Variants in C1QTNF7 observed in about 807,000 individuals in gnomAD.
C1QTNF7 encodes complement C1q tumor necrosis factor-related protein 7.
Under a neutral mutation model 19.6 loss-of-function variants are expected in C1QTNF7, and 15 were observed. That is an observed-to-expected ratio of 0.76 (90% CI 0.51 to 1.18). The LOEUF (loss-of-function observed/expected upper bound fraction) is 1.18, where lower values mean the gene tolerates loss of function less well. Ranked by LOEUF, C1QTNF7 falls within the 50% of genes most tolerant of loss-of-function variation. The probability of loss-of-function intolerance (pLI) is 0.00; values close to 1 mark genes in which losing one functional copy is unlikely to be tolerated. For missense variants in C1QTNF7, 324 were observed against 359.7 expected (o/e 0.90, Z 0.80); for synonymous variants, 142 against 137.5 (o/e 1.03, Z -0.23).
chr4:15,363,383 G>C (rs1717408674), intron 1 of C1QTNF7, among the ~76,000 whole-genome samples: 1 of 151,900 alleles, frequency 6.6e-6, no homozygotes, highest in South Asian at 2.1e-4. Flanking sequence ...CTACCTTTCT[G>C]TTCCTCCATC....
intron 1 of C1QTNF7, among the ~76,000 whole-genome samples, chr4:15,428,886 G>C (rs1432032375): frequency 1.3e-5 from 2 of 152,134 alleles, no homozygotes; most frequent in Non-Finnish European, 2.9e-5. Context: ...ATGATTTCCA[G>C]GCAAAGCACA....
chr4:15,396,527 C>T (rs1023258531), intron 1 of C1QTNF7, among the ~76,000 whole-genome samples: 1 of 152,070 alleles, frequency 6.6e-6, no homozygotes, highest in African/African-American at 2.4e-5. Context: ...CACCAAGCAG[C>T]ATATCATATT....
intron 1 of C1QTNF7, among the ~76,000 whole-genome samples, chr4:15,371,002 T>C (rs1210544881): frequency 2.0e-5 from 3 of 152,220 alleles, no homozygotes; most frequent in Admixed American, 1.3e-4. Context: ...TGTGGTTCCT[T>C]CAACTGAAAA....
In C1QTNF7 at chr4:15,428,050, G is replaced by T. The variant is rs931107186; in HGVS notation, c.-65G>T. 1.0e-5 allele frequency: 10 copies of T among 985,308 alleles called. No individual in the cohort carries two copies. The highest frequency in any genetic ancestry group is 9.6e-6 in the Non-Finnish European group (8 of 829,924). 61.0% of individuals were successfully genotyped at this position (985,308 alleles called of 1,614,324 possible). On this transcript the variant is annotated 5_prime_UTR_variant, in exon 1 of 3. Coordinates refer to ENST00000444304, the MANE Select transcript of C1QTNF7 (RefSeq NM_031911.5). ...AGTTTTTCACTGAGCTCTCATGAAAGATCCTCAGTCTCTTGTGGATTTAGA... is the reference window on the plus strand; with the variant it reads ...AGTTTTTCACTGAGCTCTCATGAAATATCCTCAGTCTCTTGTGGATTTAGA...
At chr4:15,397,645 A>G (rs1718835030) in intron 1 of C1QTNF7, among the ~76,000 whole-genome samples, 1 of 152,212 alleles carries the variant, frequency 6.6e-6, no homozygotes, top group African/African-American at 2.4e-5. Context: ...TTAAAGTCTC[A>G]AAGACAAGAA....
intron 1 of C1QTNF7, among the ~76,000 whole-genome samples, chr4:15,400,558 A>G (rs1718947704): frequency 6.6e-6 from 1 of 152,236 alleles, no homozygotes; most frequent in African/African-American, 2.4e-5. Context: ...CCAACATTCA[A>G]GGAGACCATT....
Position 15,435,917 on chromosome 4 carries a change from C to T in C1QTNF7, c.174C>T (p.Ile58=), listed in dbSNP as rs778852963. ...ANGSPGPHGR[I]GLPGRDGRDG... ...GTTCCCCTGGGCCCCATGGTCGCATCGGCCTTCCAGGAAGAGATGGTAGAG... is the reference window on the plus strand; with the variant it reads ...GTTCCCCTGGGCCCCATGGTCGCATTGGCCTTCCAGGAAGAGATGGTAGAG... The change falls in exon 2 of 3, where the codon ATC becomes ATT. Residue 58 remains isoleucine, a synonymous_variant. Coordinates refer to ENST00000444304, the MANE Select transcript of C1QTNF7 (RefSeq NM_031911.5). The T allele has an allele frequency of 3.7e-6, 6 of 1,613,938 alleles. No individual in the cohort carries two copies. The highest frequency in any genetic ancestry group is 4.5e-5 in the East Asian group (2 of 44,862).
intron 1 of C1QTNF7, among the ~76,000 whole-genome samples, chr4:15,397,921 T>G (rs887786453): frequency 2.6e-5 from 4 of 152,168 alleles, no homozygotes; most frequent in African/African-American, 9.7e-5. Flanking sequence ...CCAACTGATT[T>G]TGAACCTGCA....
chr4:15,340,140 T>C, exon 1 of C1QTNF7: 4 of 1,545,128 alleles, frequency 2.6e-6, no homozygotes, highest in Admixed American at 2.0e-5. Context: ...ACTACATTCA[T>C]GGGACAACCA....
intron 2 of C1QTNF7, among the ~76,000 whole-genome samples, chr4:15,438,939 A>T (rs1712640786): frequency 6.6e-6 from 1 of 152,238 alleles, no homozygotes; most frequent in East Asian, 1.9e-4. Flanking sequence ...GGATAGATGG[A>T]TGGAAGGATA....
intron 1 of C1QTNF7, among the ~76,000 whole-genome samples, chr4:15,383,470 C>G (rs1718222462): frequency 2.0e-5 from 3 of 152,296 alleles, no homozygotes; most frequent in African/African-American, 7.2e-5. Context: ...GGCTCAAAAC[C>G]AGTCACTAGG....
chr4:15,395,093 G>C (rs1003507909), intron 1 of C1QTNF7, among the ~76,000 whole-genome samples: 6 of 152,294 alleles, frequency 3.9e-5, no homozygotes, highest in African/African-American at 1.2e-4. Context: ...GCTGGTCAGG[G>C]GGCAGAAGGG....
chr4:15,404,759 G>C (rs1719132535), intron 1 of C1QTNF7, among the ~76,000 whole-genome samples: 1 of 152,170 alleles, frequency 6.6e-6, no homozygotes, highest in Non-Finnish European at 1.5e-5. Flanking sequence ...CAAACAGTCT[G>C]AGAGAGAAAG....
intron 2 of C1QTNF7, among the ~76,000 whole-genome samples, chr4:15,438,347 T>G (rs963375228): frequency 6.6e-6 from 1 of 152,078 alleles, no homozygotes; most frequent in Admixed American, 6.5e-5. Context: ...CCTGGGAGAT[T>G]TGGGGATGTG....
chr4:15,350,107 G>GAGGGAGGGAGAGAGGA (rs1560337352), intron 1 of C1QTNF7, among the ~76,000 whole-genome samples: 52 of 117,730 alleles, frequency 4.4e-4, no homozygotes, highest in African/African-American at 1.7e-3. Context: ...GAGAGGAAGG[G>GAGGGAGGGAGAGAGGA]AGGCAGGCAG....
At chr4:15,441,920 C>A (rs892655334) in intron 2 of C1QTNF7, among the ~76,000 whole-genome samples, 1 of 151,924 alleles carries the variant, frequency 6.6e-6, no homozygotes, top group Non-Finnish European at 1.5e-5. Context: ...GCTTGGGAGG[C>A]TGAGGCAGGA....
At chr4:15,350,809 C>G (rs371502803) in intron 1 of C1QTNF7, among the ~76,000 whole-genome samples, 2 of 152,068 alleles carry the variant, frequency 1.3e-5, no homozygotes, top group South Asian at 2.1e-4. Context: ...ATAGCTGCCC[C>G]GGAGAAAGAA....
At chr4:15,350,551 T>C (rs1716900900) in intron 1 of C1QTNF7, among the ~76,000 whole-genome samples, 1 of 152,304 alleles carries the variant, frequency 6.6e-6, no homozygotes. Flanking sequence ...AATGGAAATC[T>C]AGTCCTTTTC....
intron 1 of C1QTNF7, among the ~76,000 whole-genome samples, chr4:15,386,081 C>T (rs1434902381): frequency 6.6e-6 from 1 of 152,210 alleles, no homozygotes; most frequent in Non-Finnish European, 1.5e-5. Flanking sequence ...CTTCCTTTTC[C>T]TTGGACCTGC....
Sources: gnomAD v4.1 joint callset for allele counts (sites outside exome capture counted in the v4.1 genomes callset) on GRCh38, gnomAD v4.1.1 for gene constraint, MANE v1.5 for transcripts, NCBI Gene and HGNC (gene_info 2026-07-23, HGNC 2026-07-21) for gene names.